The following IL15 variants were observed in gnomAD, a reference collection of about 807,000 sequenced individuals.
IL15 encodes interleukin-15.
A neutral mutation model predicts 19.6 loss-of-function variants in IL15; 11 were observed. The ratio of observed to expected loss-of-function variants is 0.56; its 90% CI spans 0.35 to 0.93. The LOEUF (loss-of-function observed/expected upper bound fraction) is 0.93. Among genes scored for constraint, IL15 ranks in the 40% least tolerant of loss-of-function variants. The pLI, the probability that IL15 is intolerant of heterozygous loss-of-function variation, is 0.01. For missense variants in IL15, 197 were observed against 186.5 expected (o/e 1.06, Z -0.33); for synonymous variants, 58 against 59.6 (o/e 0.97, Z 0.12).
At chr4:141,714,876 A>T in intron 2 of IL15, 1 of 152,104 alleles carries the variant, frequency 6.6e-6, no homozygotes, top group East Asian at 1.9e-4. Context: ...GAGCACTCTG[A>T]TGAGTTGCAT....
chr4:141,650,290 A>C (rs1727360808), intron 1 of IL15, among the ~76,000 whole-genome samples: 1 of 152,096 alleles, frequency 6.6e-6, no homozygotes, highest in Non-Finnish European at 1.5e-5. Flanking sequence ...ACAATATAGT[A>C]GAATTTGGGT....
chr4:141,707,109 T>G (rs939905628), intron 2 of IL15, among the ~76,000 whole-genome samples: 4 of 152,170 alleles, frequency 2.6e-5, no homozygotes, highest in African/African-American at 9.6e-5. Context: ...TTGTTCTTAT[T>G]TCTGTGTTTT....
intron 2 of IL15, among the ~76,000 whole-genome samples, chr4:141,673,255 G>T (rs1728233605): frequency 6.6e-6 from 1 of 152,078 alleles, no homozygotes; most frequent in Non-Finnish European, 1.5e-5. Flanking sequence ...TAATTGTTTG[G>T]CATTGAAATA....
intron 2 of IL15, among the ~76,000 whole-genome samples, chr4:141,672,466 C>T (rs879438038): frequency 6.6e-6 from 1 of 152,138 alleles, no homozygotes; most frequent in Non-Finnish European, 1.5e-5. Context: ...ACTAGACAGC[C>T]TTACTTTTCA....
At chr4:141,661,123 T>C (rs188057043) in intron 2 of IL15, among the ~76,000 whole-genome samples, 11 of 152,172 alleles carry the variant, frequency 7.2e-5, no homozygotes, top group Non-Finnish European at 1.5e-4. Context: ...CCAGAGACAG[T>C]GAGTAACCAT....
Position 141,662,317 on chromosome 4 carries a change from C to T in IL15, c.-100+6010C>T, listed in dbSNP as rs567078602. ...GATGTTTTTAAATTACCCGCAATGACGGTGAATTTGCCTATAAGCCTTAAA... is the reference window on the plus strand; with the variant it reads ...GATGTTTTTAAATTACCCGCAATGATGGTGAATTTGCCTATAAGCCTTAAA... On this transcript the variant is annotated intron_variant, in intron 2 of 7. Transcript: ENST00000320650. Among the ~76,000 whole-genome samples the T allele has an allele frequency of 5.0e-4, 76 of 152,274 alleles. 1 individual carries two copies. The highest frequency in any genetic ancestry group is 5.6e-4 in the Non-Finnish European group (38 of 68,026).
chr4:141,661,487 C>T (rs1282232808), intron 2 of IL15, among the ~76,000 whole-genome samples: 3 of 152,152 alleles, frequency 2.0e-5, no homozygotes, highest in Non-Finnish European at 4.4e-5. Flanking sequence ...AGAGATGGTG[C>T]ACGTGCCATT....
At chr4:141,731,881 C>T (rs1730464257) in intron 7 of IL15, among the ~76,000 whole-genome samples, 1 of 152,070 alleles carries the variant, frequency 6.6e-6, no homozygotes, top group African/African-American at 2.4e-5. Flanking sequence ...TTCTTAATTG[C>T]TACATTTGGA....
intron 2 of IL15, among the ~76,000 whole-genome samples, chr4:141,668,100 G>C (rs1174917798): frequency 6.6e-6 from 1 of 152,126 alleles, no homozygotes; most frequent in African/African-American, 2.4e-5. Context: ...ACATTTTACA[G>C]TTGTGATTAA....
chr4:141,730,711 G>A (rs1730424523), intron 7 of IL15, among the ~76,000 whole-genome samples: 1 of 152,170 alleles, frequency 6.6e-6, no homozygotes, highest in Admixed American at 6.5e-5. Context: ...TGGGGAATCA[G>A]CTGTGCAATG....
At chr4:141,719,591 A>T in intron 3 of IL15, 115 bp downstream of exon 3, 1 of 775,996 alleles carries the variant, frequency 1.3e-6, no homozygotes, top group Non-Finnish European at 2.0e-6. Flanking sequence ...GAGATATCAC[A>T]GATGTCTGTT....
intron 1 of IL15, among the ~76,000 whole-genome samples, chr4:141,637,384 G>A (rs1447523054): frequency 3.9e-5 from 6 of 152,024 alleles, no homozygotes; most frequent in Non-Finnish European, 7.4e-5. Context: ...TGCAGGAATG[G>A]TCAGTGCTTG....
intron 1 of IL15, among the ~76,000 whole-genome samples, chr4:141,645,456 G>A (rs1351920390): frequency 6.6e-6 from 1 of 152,040 alleles, no homozygotes; most frequent in Non-Finnish European, 1.5e-5. Context: ...TTTGCTGCCT[G>A]GAAAGGCAAG....
chr4:141,731,077 A>G (rs1039667471), intron 7 of IL15, among the ~76,000 whole-genome samples: 1 of 152,146 alleles, frequency 6.6e-6, no homozygotes, highest in Non-Finnish European at 1.5e-5. Context: ...ATCTAGGGAC[A>G]TATGTTTAGG....
In IL15 at chr4:141,729,844, T is replaced by C. The variant is rs748526657; in HGVS notation, c.241-3T>C. 15 of 1,509,620 alleles carry C rather than the reference T, an allele frequency of 9.9e-6. No individual in the cohort carries two copies. The highest frequency in any genetic ancestry group is 1.4e-5 in the Non-Finnish European group (15 of 1,090,222). 93.5% of individuals were successfully genotyped at this position (1,509,620 alleles called of 1,614,324 possible). The stretch of plus-strand genomic sequence containing the variant: ...AATTGTTCTTTATAACTTTTATTTT[T>C]AGCCCAGTTGCAAAGTAACAGCAAT... On this transcript the variant is annotated splice_polypyrimidine_tract_variant and splice_region_variant and intron_variant, in intron 6 of 7. Coordinates refer to ENST00000320650, the MANE Select transcript of IL15 (RefSeq NM_000585.5).
At position 141,731,843 on chromosome 4, in the gene IL15, AT is replaced by A. The variant is rs1730462945; in HGVS notation, c.379-894del. Among the ~76,000 whole-genome samples the A allele has an allele frequency of 2.0e-5, 3 of 152,196 alleles. No individual in the cohort carries two copies. In the South Asian group the frequency reaches 6.2e-4, roughly 32 times the overall value. ...TTTTATTTTTGCTGGCACAGCCTTCATGGTTCAGATGATCTCTAAAAAGTTT... is the reference window on the plus strand; with the variant it reads ...TTTTATTTTTGCTGGCACAGCCTTCAGGTTCAGATGATCTCTAAAAAGTTT... On this transcript the variant is annotated intron_variant, in intron 7 of 7. Coordinates refer to ENST00000320650, the MANE Select transcript of IL15 (RefSeq NM_000585.5).
At chr4:141,669,634 T>C (rs1728104111) in intron 2 of IL15, among the ~76,000 whole-genome samples, 1 of 152,156 alleles carries the variant, frequency 6.6e-6, no homozygotes, top group Non-Finnish European at 1.5e-5. Flanking sequence ...TTAGATTTAT[T>C]AAGTTTGAGG....
At chr4:141,649,594 A>T (rs1727338804) in intron 1 of IL15, among the ~76,000 whole-genome samples, 1 of 152,130 alleles carries the variant, frequency 6.6e-6, no homozygotes, top group African/African-American at 2.4e-5. Flanking sequence ...TTAACAAGCT[A>T]CTAAAACAAA....
At chr4:141,729,600 C>T (rs934117878) in intron 6 of IL15, among the ~76,000 whole-genome samples, 5 of 152,082 alleles carry the variant, frequency 3.3e-5, no homozygotes, top group Non-Finnish European at 5.9e-5. Context: ...ACTATTTCTG[C>T]ATTTTCTAGT....
Sources: gnomAD v4.1 joint callset for allele counts (sites outside exome capture counted in the v4.1 genomes callset) on GRCh38, gnomAD v4.1.1 for gene constraint, MANE v1.5 for transcripts, NCBI Gene and HGNC (gene_info 2026-07-23, HGNC 2026-07-21) for gene names.